Variants in CPED1 observed in about 807,000 individuals in gnomAD.
CPED1 encodes cadherin-like and PC-esterase domain-containing protein 1.
Under a neutral mutation model 128.2 loss-of-function variants are expected in CPED1, and 114 were observed. The ratio of observed to expected loss-of-function variants is 0.89; its 90% confidence interval spans 0.76 to 1.04. CPED1 has a LOEUF of 1.04. Among genes scored for constraint, CPED1 ranks in the 50% least tolerant of loss-of-function variants. The pLI, the probability that CPED1 is intolerant of heterozygous loss-of-function variation, is 0.00. For synonymous variants in CPED1, 462 were observed against 426.7 expected, an observed-to-expected ratio of 1.08 and a Z score of -1.02; for missense variants, 1,211 against 1,207.1, an observed-to-expected ratio of 1.00 and a Z score of -0.05.
At chr7:121,220,941 T>TA (rs1408110985) in intron 16 of CPED1, among the ~76,000 whole-genome samples, 1 of 152,044 alleles carries the variant, frequency 6.6e-6, no homozygotes, top group Non-Finnish European at 1.5e-5. Context: ...ACTTTTCTTA[T>TA]ATATATCTCC....
intron 5 of CPED1, among the ~76,000 whole-genome samples, chr7:121,092,348 T>G (rs1794593700): frequency 6.6e-6 from 1 of 152,216 alleles, no homozygotes; most frequent in African/African-American, 2.4e-5. Context: ...TTGTTTACTC[T>G]TTTCATTTCT....
chr7:121,189,434 G>A (rs1341744071), intron 16 of CPED1, among the ~76,000 whole-genome samples: 1 of 151,922 alleles, frequency 6.6e-6, no homozygotes, highest in East Asian at 1.9e-4. Flanking sequence ...GAGTGAAGGA[G>A]GAAGTGCCAC....
intron 16 of CPED1, among the ~76,000 whole-genome samples, chr7:121,179,412 T>A (rs529509458): frequency 2.0e-4 from 31 of 152,206 alleles, no homozygotes; most frequent in African/African-American, 7.2e-4. Context: ...AGTGTATACA[T>A]GTAATAAATT....
chr7:121,032,033 G>A (rs1331398202), intron 3 of CPED1, among the ~76,000 whole-genome samples: 1 of 152,124 alleles, frequency 6.6e-6, no homozygotes, highest in Admixed American at 6.5e-5. Context: ...CTCATACATT[G>A]CTTGTGGAAA....
At chr7:121,107,620 A>G (rs1052913816) in intron 7 of CPED1, among the ~76,000 whole-genome samples, 1 of 152,138 alleles carries the variant, frequency 6.6e-6, no homozygotes, top group African/African-American at 2.4e-5. Flanking sequence ...AGTGAAAATA[A>G]TGGCAGTAAT....
chr7:121,011,576 G>A (rs903868872), intron 2 of CPED1, among the ~76,000 whole-genome samples: 1 of 152,038 alleles, frequency 6.6e-6, no homozygotes, highest in African/African-American at 2.4e-5. Context: ...TCTCTTATAT[G>A]CCAAGTACTG....
At chr7:121,129,307 A>ATG (rs1795596420) in intron 11 of CPED1, among the ~76,000 whole-genome samples, 2 of 5,946 alleles carry the variant, frequency 3.4e-4, no homozygotes, top group African/African-American at 4.1e-4. Context: ...ATATATATAT[A>ATG]TATACGTATA....
intron 11 of CPED1, among the ~76,000 whole-genome samples, chr7:121,129,314 TATATATATATATATATATATAC>T (rs1237301151): frequency 1.3e-3 from 7 of 5,394 alleles, no homozygotes; most frequent in Admixed American, 7.2e-3. Context: ...TATATATACG[TATATATATATATATATATATAC>T]GTATATATAT....
intron 22 of CPED1, among the ~76,000 whole-genome samples, chr7:121,288,558 C>T (rs1240198433): frequency 1.3e-5 from 2 of 152,190 alleles, no homozygotes; most frequent in Non-Finnish European, 2.9e-5. Context: ...AAGCCGTACG[C>T]TTCAGCAGTT....
chr7:121,129,379 A>C (rs1795607610), intron 11 of CPED1, among the ~76,000 whole-genome samples: 1 of 147,618 alleles, frequency 6.8e-6, no homozygotes, highest in Non-Finnish European at 1.5e-5. Context: ...TATGAGTTTA[A>C]TCAACTTACT....
chr7:121,148,992 C>T (rs1206447550), intron 16 of CPED1, among the ~76,000 whole-genome samples: 3 of 152,128 alleles, frequency 2.0e-5, no homozygotes, highest in African/African-American at 2.4e-5. Context: ...TTCTGTTTCA[C>T]GGTAAGAGAT....
chr7:121,178,536 G>T (rs1584572856), intron 16 of CPED1, among the ~76,000 whole-genome samples: 1 of 151,950 alleles, frequency 6.6e-6, no homozygotes, highest in African/African-American at 2.4e-5. Context: ...CTTAAACGTG[G>T]ACAAAAAAGT....
In CPED1 at chr7:121,267,677, C is replaced by A. The variant is rs139205158; in HGVS notation, c.2721+375C>A. ...CAATGAAAACAGTAGGGGTCTCTGG[C>A]CAGTTCTTATAGAAGATAGTAAATT... On this transcript the variant is annotated intron_variant, in intron 21 of 22. Transcript: ENST00000310396. Among the ~76,000 whole-genome samples the A allele has an allele frequency of 3.3e-3, 509 of 151,996 alleles. 4 individuals are homozygous for A. Among genetic ancestry groups the A allele is most frequent in the African/African-American group, 0.012 (484 of 41,490 alleles).
rs1792648554 is a variant in CPED1, at chr7:121,289,504, G to C, written c.2869-5936G>C. 2.6e-5 allele frequency among the ~76,000 whole-genome samples: 4 copies of C among 152,106 alleles called. No homozygotes were observed. The East Asian group carries it at 7.7e-4, about 29-fold the overall frequency. ...CCTATTCAAATAACTTTTCAGAAAT[G>C]GTTCAAGCTCATTTGCAATGTAACT... On this transcript the variant is annotated intron_variant, in intron 22 of 22. Transcript: ENST00000310396.
chr7:121,020,911 G>A (rs1792423036), intron 3 of CPED1, among the ~76,000 whole-genome samples: 1 of 151,876 alleles, frequency 6.6e-6, no homozygotes, highest in Non-Finnish European at 1.5e-5. Flanking sequence ...AAAAGCCAGA[G>A]CAACATTTGT....
intron 16 of CPED1, among the ~76,000 whole-genome samples, chr7:121,160,660 C>T (rs184869715): frequency 3.9e-5 from 6 of 152,214 alleles, no homozygotes; most frequent in Admixed American, 1.3e-4. Flanking sequence ...TGGTAAGGTT[C>T]GCCAGGCTAA....
At chr7:121,136,203 TAAAGTA>T (rs1361465391) in intron 14 of CPED1, 113 bp downstream of exon 14, 4 of 1,026,964 alleles carry the variant, frequency 3.9e-6, no homozygotes, top group Non-Finnish European at 5.6e-6. Flanking sequence ...TGATAATTGT[TAAAGTA>T]AATTTTAGAA....
intron 3 of CPED1, among the ~76,000 whole-genome samples, chr7:121,018,476 C>T (rs1303090713): frequency 6.6e-6 from 1 of 152,086 alleles, no homozygotes; most frequent in Non-Finnish European, 1.5e-5. Context: ...CAGAACCCTA[C>T]TCCACTTCCT....
chr7:121,090,134 C>G (rs374674404), intron 5 of CPED1, among the ~76,000 whole-genome samples: 1 of 152,144 alleles, frequency 6.6e-6, no homozygotes, highest in African/African-American at 2.4e-5. Context: ...TTGACACTTC[C>G]ACTGAAAAAG....
Sources: allele counts gnomAD v4.1 joint callset (sites outside exome capture counted in the v4.1 genomes callset), GRCh38; gene constraint gnomAD v4.1.1; transcripts MANE v1.5; gene names NCBI Gene and HGNC (gene_info 2026-07-23, HGNC 2026-07-21).